The following AK5 variants were observed in gnomAD, a reference collection of about 807,000 sequenced individuals.
The protein encoded by AK5 is adenylate kinase 5, also known as adenylate kinase isoenzyme 5.
AK5 carries 27 observed loss-of-function variants against 69.5 expected under a neutral mutation model. That is an observed-to-expected ratio of 0.39 (90% CI 0.29 to 0.54). The LOEUF (loss-of-function observed/expected upper bound fraction) is 0.54, where lower values mean the gene tolerates loss of function less well. Ranked by LOEUF, AK5 falls within the 20% of genes least tolerant of loss-of-function variation. The pLI is 0.71. For missense variants in AK5, 531 were observed against 700.4 expected (o/e 0.76, Z 2.73); for synonymous variants, 260 against 244.4 (o/e 1.06, Z -0.60).
At chr1:77,415,587 G>A (rs1428246816) in intron 7 of AK5, among the ~76,000 whole-genome samples, 1 of 152,128 alleles carries the variant, frequency 6.6e-6, no homozygotes, top group Non-Finnish European at 1.5e-5. Flanking sequence ...AGCATTGATT[G>A]TTACCAGCTT....
At chr1:77,366,980 AT>A (rs1222308868) in intron 6 of AK5, among the ~76,000 whole-genome samples, 1 of 152,130 alleles carries the variant, frequency 6.6e-6, no homozygotes, top group African/African-American at 2.4e-5. Context: ...TGTGAATAGT[AT>A]CATCTTCACT....
intron 3 of AK5, 44 bp from the exon 4 acceptor site, chr1:77,297,515 T>G (rs189716967): frequency 3.8e-4 from 587 of 1,533,966 alleles, no homozygotes; most frequent in Non-Finnish European, 4.9e-4. Flanking sequence ...AGGGAGGTCC[T>G]TATTGTATCA....
Position 77,417,678 on chromosome 1 carries a change from G to A in AK5, c.1022G>A (p.Gly341Glu). 5 of 1,609,478 alleles carry A rather than the reference G, an allele frequency of 3.1e-6. No homozygotes were observed. Among genetic ancestry groups the A allele is most frequent in the Non-Finnish European group, 4.2e-6 (5 of 1,176,954 alleles). ...GATCCTTCGATGATATTGGACACTG[G>A]AGAGATCATTGATACAGGATCTGAT... is the stretch of plus-strand genomic sequence containing the variant. ...DLDPSMILDT[G>E]EIIDTGSDYE... The change falls in exon 8 of 14, where the codon GGA becomes GAA. Residue 341 changes from glycine to glutamate, a missense_variant. Coordinates refer to ENST00000354567, the MANE Select transcript of AK5 (RefSeq NM_174858.3).
intron 8 of AK5, among the ~76,000 whole-genome samples, chr1:77,435,563 G>A (rs767642248): frequency 3.3e-5 from 5 of 151,096 alleles, no homozygotes; most frequent in East Asian, 3.9e-4. Context: ...CAGGAGAATC[G>A]TTTGAACCCG....
At chr1:77,513,799 C>T (rs1396489856) in intron 10 of AK5, among the ~76,000 whole-genome samples, 9 of 152,188 alleles carry the variant, frequency 5.9e-5, no homozygotes, top group African/African-American at 1.9e-4. Flanking sequence ...TTAAGGAGTC[C>T]AGCTCAGGAT....
intron 6 of AK5, among the ~76,000 whole-genome samples, chr1:77,360,892 A>G (rs1035794538): frequency 6.6e-6 from 1 of 152,230 alleles, no homozygotes; most frequent in African/African-American, 2.4e-5. Flanking sequence ...TTTAGAAGCT[A>G]TAGTTTGGGG....
chr1:77,486,591 G>A (rs550791569), intron 10 of AK5, among the ~76,000 whole-genome samples: 7 of 151,904 alleles, frequency 4.6e-5, no homozygotes, highest in Admixed American at 1.3e-4. Context: ...CCAGCTACTC[G>A]GGAGGCTGAG....
At chr1:77,519,476 G>C (rs553902704) in intron 11 of AK5, among the ~76,000 whole-genome samples, 1 of 152,164 alleles carries the variant, frequency 6.6e-6, no homozygotes, top group Non-Finnish European at 1.5e-5. Context: ...TACCAGAAAG[G>C]GGTCCCAATC....
chr1:77,374,685 G>A lies in AK5; in HGVS notation c.891+34117G>A, dbSNP rs566650889. On this transcript the variant is annotated intron_variant, in intron 6 of 13. Transcript: ENST00000354567. ...AAATGTAAAAATTTAGCCAGATGTG[G>A]TGGCACCTATTTGTAGTTCTAGCTA... 2.6e-5 allele frequency among the ~76,000 whole-genome samples: 4 copies of A among 152,038 alleles called. No homozygotes were observed. The South Asian group carries it at 6.2e-4, about 24-fold the overall frequency.
intron 10 of AK5, among the ~76,000 whole-genome samples, chr1:77,510,334 G>A (rs1270347352): frequency 6.6e-6 from 1 of 152,114 alleles, no homozygotes. Context: ...GTTGGTCGTT[G>A]GTGTTACAGA....
intron 8 of AK5, among the ~76,000 whole-genome samples, chr1:77,455,727 C>A (rs1239092017): frequency 6.6e-6 from 1 of 152,142 alleles, no homozygotes; most frequent in Admixed American, 6.5e-5. Flanking sequence ...ATTACCCTAG[C>A]TGCACATTAG....
intron 6 of AK5, among the ~76,000 whole-genome samples, chr1:77,352,573 G>A (rs1372387805): frequency 2.0e-5 from 3 of 152,186 alleles, no homozygotes. Flanking sequence ...CTGTTAATGT[G>A]AACCTGCAGG....
intron 8 of AK5, among the ~76,000 whole-genome samples, chr1:77,447,674 T>G (rs1234472845): frequency 6.6e-6 from 1 of 152,236 alleles, no homozygotes; most frequent in Non-Finnish European, 1.5e-5. Context: ...GATGAAATCA[T>G]TTGTGATAAC....
At chr1:77,531,423 G>A (rs372305860) in intron 12 of AK5, among the ~76,000 whole-genome samples, 18 of 152,096 alleles carry the variant, frequency 1.2e-4, no homozygotes, top group African/African-American at 2.2e-4. Flanking sequence ...TGATTGGTGC[G>A]TTTACAATCC....
At chr1:77,449,929 T>C (rs1653035230) in intron 8 of AK5, among the ~76,000 whole-genome samples, 1 of 152,228 alleles carries the variant, frequency 6.6e-6, no homozygotes. Context: ...ACTTTTATGC[T>C]GTTTCCCTTT....
intron 6 of AK5, among the ~76,000 whole-genome samples, chr1:77,377,141 T>G (rs1647303721): frequency 6.6e-6 from 1 of 152,182 alleles, no homozygotes; most frequent in East Asian, 1.9e-4. Context: ...TCTTGGTTTC[T>G]CTCTTGACTC....
intron 12 of AK5, among the ~76,000 whole-genome samples, chr1:77,527,974 G>A (rs569354222): frequency 1.3e-4 from 20 of 152,268 alleles, no homozygotes; most frequent in East Asian, 1.2e-3. Flanking sequence ...CAGGAGAATC[G>A]CTTGAACCCA....
intron 6 of AK5, among the ~76,000 whole-genome samples, chr1:77,373,220 A>T (rs1442177180): frequency 6.6e-6 from 1 of 152,318 alleles, no homozygotes; most frequent in South Asian, 2.1e-4. Context: ...TTTAAAAAAA[A>T]ATATTTTACA....
Position 77,486,366 on chromosome 1 carries a change from C to T in AK5, c.1147+14C>T. 1.9e-6 allele frequency: 3 copies of T among 1,567,026 alleles called. No individual in the cohort carries two copies. In the South Asian group the frequency reaches 3.4e-5, roughly 18 times the overall value. Reference sequence around the variant, plus strand: ...TTTTCATAATTGGTGAGTAACAGCCCTTGCATTTTCTAACAATACAATTGC... The same window carrying T: ...TTTTCATAATTGGTGAGTAACAGCCTTTGCATTTTCTAACAATACAATTGC... On this transcript the variant is annotated intron_variant, in intron 10 of 13. Transcript: ENST00000354567.
Sources: allele counts gnomAD v4.1 joint callset (sites outside exome capture counted in the v4.1 genomes callset), GRCh38; gene constraint gnomAD v4.1.1; transcripts MANE v1.5; gene names NCBI Gene and HGNC (gene_info 2026-07-23, HGNC 2026-07-21).